The following UNC5C variants were observed in gnomAD, a reference collection of about 807,000 sequenced individuals.
The protein encoded by UNC5C is netrin receptor UNC5C.
Under a neutral mutation model 99.8 loss-of-function variants are expected in UNC5C, and 47 were observed. The observed-to-expected ratio is 0.47, with a 90% CI of 0.37 to 0.60. The LOEUF is 0.60. Ranked by LOEUF, UNC5C falls within the 20% of genes least tolerant of loss-of-function variation. The pLI, the probability that UNC5C is intolerant of heterozygous loss-of-function variation, is 0.00. For missense variants in UNC5C, 1,062 were observed against 1,165.9 expected, an observed-to-expected ratio of 0.91 and a Z score of 1.30; for synonymous variants, 487 against 452.2, an observed-to-expected ratio of 1.08 and a Z score of -0.98.
intron 12 of UNC5C, among the ~76,000 whole-genome samples, chr4:95,186,716 C>A (rs78005095): frequency 6.6e-6 from 1 of 152,182 alleles, no homozygotes; most frequent in Non-Finnish European, 1.5e-5. Flanking sequence ...AGCACACTGA[C>A]GTAGACAAGT....
chr4:95,293,808 A>G (rs1741575184), intron 3 of UNC5C, among the ~76,000 whole-genome samples: 1 of 152,054 alleles, frequency 6.6e-6, no homozygotes, highest in South Asian at 2.1e-4. Context: ...GTTGCTCTCA[A>G]TTTCCTTGTC....
chr4:95,388,258 A>G (rs1253737910), intron 1 of UNC5C, among the ~76,000 whole-genome samples: 1 of 152,204 alleles, frequency 6.6e-6, no homozygotes, highest in Non-Finnish European at 1.5e-5. Context: ...TATCTTTGCT[A>G]TAATTTGCAG....
At chr4:95,372,469 C>T (rs568146511) in intron 1 of UNC5C, among the ~76,000 whole-genome samples, 6 of 152,058 alleles carry the variant, frequency 3.9e-5, no homozygotes, top group Admixed American at 2.0e-4. Flanking sequence ...TACAGAAAAG[C>T]GATTTCCAAA....
Position 95,452,024 on chromosome 4 carries a change from A to T in UNC5C, c.124+96710T>A, listed in dbSNP as rs1747291667. Among the ~76,000 whole-genome samples the T allele has an allele frequency of 2.0e-5, 3 of 152,284 alleles. No individual in the cohort carries two copies. In the South Asian group the frequency reaches 6.2e-4, roughly 32 times the overall value. Reference sequence around the variant, plus strand: ...CCAAACAATTTAAAGATAACCTTTTAAAGCAAATATTTATGACTCTATAGA... The same window carrying T: ...CCAAACAATTTAAAGATAACCTTTTTAAGCAAATATTTATGACTCTATAGA... On this transcript the variant is annotated intron_variant, in intron 1 of 15. Transcript: ENST00000453304.
At chr4:95,196,003 A>G (rs1211221330) in intron 12 of UNC5C, among the ~76,000 whole-genome samples, 1 of 152,176 alleles carries the variant, frequency 6.6e-6, no homozygotes, top group Admixed American at 6.5e-5. Flanking sequence ...CCCATAATGT[A>G]TGAAAATAAC....
chr4:95,249,801 A>G (rs2149381617), intron 5 of UNC5C, among the ~76,000 whole-genome samples: 1 of 152,304 alleles, frequency 6.6e-6, no homozygotes, highest in South Asian at 2.1e-4. Context: ...TATCGTTAGG[A>G]TTAGGGCCAC....
intron 1 of UNC5C, among the ~76,000 whole-genome samples, chr4:95,472,507 TTAAA>T (rs1450295995): frequency 6.6e-6 from 1 of 152,160 alleles, no homozygotes; most frequent in Non-Finnish European, 1.5e-5. Flanking sequence ...TTTCATGTAT[TTAAA>T]TATCATCTGT....
chr4:95,529,275 T>C (rs1722576690), intron 1 of UNC5C, among the ~76,000 whole-genome samples: 1 of 148,622 alleles, frequency 6.7e-6, no homozygotes, highest in Non-Finnish European at 1.5e-5. Context: ...ATTACATGTA[T>C]GTATTTATAT....
intron 7 of UNC5C, among the ~76,000 whole-genome samples, chr4:95,232,659 G>C (rs914581343): frequency 2.0e-5 from 3 of 152,088 alleles, no homozygotes; most frequent in African/African-American, 7.2e-5. Flanking sequence ...CCTGTTTGGT[G>C]CTCCGTAGGT....
intron 5 of UNC5C, among the ~76,000 whole-genome samples, chr4:95,247,050 TAA>T (rs58266683): frequency 1.4e-5 from 2 of 147,350 alleles, no homozygotes; most frequent in Middle Eastern, 3.3e-3. Context: ...AATAAAAAAA[TAA>T]AAAAAAAAGA....
At chr4:95,230,878 AG>A in intron 7 of UNC5C, among the ~76,000 whole-genome samples, 1 of 152,144 alleles carries the variant, frequency 6.6e-6, no homozygotes, top group South Asian at 2.1e-4. Flanking sequence ...TTTGTAAAAG[AG>A]AACTATTGTT....
At chr4:95,175,352 A>G (rs1736293283) in intron 14 of UNC5C, among the ~76,000 whole-genome samples, 1 of 151,944 alleles carries the variant, frequency 6.6e-6, no homozygotes, top group African/African-American at 2.4e-5. Context: ...TGGTCTTTAC[A>G]TTTTGGCATG....
At chr4:95,356,226 A>AAAAAAAAAAAAAAAAC (rs1371053400) in intron 1 of UNC5C, among the ~76,000 whole-genome samples, 4 of 144,706 alleles carry the variant, frequency 2.8e-5, no homozygotes, top group Non-Finnish European at 4.6e-5. Context: ...AACAAAAAAA[A>AAAAAAAAAAAAAAAAC]AACAGATTCC....
intron 1 of UNC5C, among the ~76,000 whole-genome samples, chr4:95,465,928 G>C (rs1198008444): frequency 6.6e-6 from 1 of 152,050 alleles, no homozygotes; most frequent in Non-Finnish European, 1.5e-5. Context: ...TTTGACTGTA[G>C]AGATTTTCTG....
intron 1 of UNC5C, among the ~76,000 whole-genome samples, chr4:95,446,672 A>C (rs908169899): frequency 5.3e-5 from 8 of 152,202 alleles, no homozygotes; most frequent in Admixed American, 3.3e-4. Flanking sequence ...ACAACAGTAA[A>C]TATCCTACAT....
intron 1 of UNC5C, among the ~76,000 whole-genome samples, chr4:95,548,176 C>T (rs1226124999): frequency 6.7e-6 from 1 of 149,132 alleles, no homozygotes; most frequent in African/African-American, 2.5e-5. Context: ...GCACCTGAAG[C>T]AGCAGGCGAG....
intron 2 of UNC5C, among the ~76,000 whole-genome samples, chr4:95,332,423 T>C (rs1336347689): frequency 6.8e-6 from 1 of 146,654 alleles, no homozygotes; most frequent in Non-Finnish European, 1.5e-5. Flanking sequence ...GCCACATATC[T>C]ACAACTATCT....
chr4:95,341,361 A>T (rs1743567246), intron 1 of UNC5C, among the ~76,000 whole-genome samples: 1 of 152,116 alleles, frequency 6.6e-6, no homozygotes, highest in Admixed American at 6.6e-5. Context: ...CAATAGAAAT[A>T]AGAAAGTGGA....
chr4:95,287,573 C>A (rs1357051933), intron 3 of UNC5C, among the ~76,000 whole-genome samples: 3 of 152,206 alleles, frequency 2.0e-5, no homozygotes, highest in African/African-American at 7.2e-5. Flanking sequence ...ACATTCCCTT[C>A]CAGCTCGTGT....
Sources: allele counts gnomAD v4.1 joint callset (sites outside exome capture counted in the v4.1 genomes callset), GRCh38; gene constraint gnomAD v4.1.1; transcripts MANE v1.5; gene names NCBI Gene and HGNC (gene_info 2026-07-23, HGNC 2026-07-21).